FHOD3: variants seen among roughly 807,000 people sequenced by gnomAD.
FHOD3 encodes the protein FH1/FH2 domain-containing protein 3.
In FHOD3, 90 loss-of-function variants were observed where a neutral mutation model predicts 173.0. The observed-to-expected ratio is 0.52, with a 90% confidence interval of 0.44 to 0.62. The LOEUF is 0.62. Ranked by LOEUF, FHOD3 falls within the 20% of genes least tolerant of loss-of-function variation. FHOD3 has a pLI of 0.00. For missense variants in FHOD3, 1,945 were observed against 2,034.7 expected, an observed-to-expected ratio of 0.96 and a Z score of 0.85; for synonymous variants, 828 against 823.0, an observed-to-expected ratio of 1.01 and a Z score of -0.10.
chr18:36,700,168 G>A (rs505601), intron 17 of FHOD3, among the ~76,000 whole-genome samples: 29,461 of 151,798 alleles, frequency 0.19, 2,929 homozygotes, highest in East Asian at 0.31. Flanking sequence ...CTGGGCCCTC[G>A]CATTCCACCT....
At chr18:36,602,447 C>A (rs938336190) in intron 7 of FHOD3, among the ~76,000 whole-genome samples, 3 of 152,150 alleles carry the variant, frequency 2.0e-5, no homozygotes, top group African/African-American at 7.2e-5. Flanking sequence ...GTACACAATG[C>A]TCTTGCCAAA....
chr18:36,522,759 T>A (rs923408414), intron 5 of FHOD3, among the ~76,000 whole-genome samples: 3 of 152,184 alleles, frequency 2.0e-5, no homozygotes, highest in Non-Finnish European at 4.4e-5. Flanking sequence ...GCTGTGTTGA[T>A]CTTGTTGAGT....
Position 36,718,321 on chromosome 18 carries a change from T to C in FHOD3, c.3023T>C (p.Val1008Ala). Residue 1008 changes from valine (V) to alanine (A), a missense_variant, in exon 19 of 29, where the codon GTC becomes GCC. Physicochemically the swap from Val to Ala is moderately conservative, Grantham distance 64 (BLOSUM62 0). Around this residue, in one of 5 missense-constraint regions of FHOD3, gnomAD observed 1,099 missense variants for 1,051.2 expected, o/e 1.05. Transcript: ENST00000590592. ...TDLGEEDDID[V>A]LDVDLGHREA... is the part of the protein sequence containing the mutation. Reference sequence around the variant, plus strand: ...CTGGGGGAGGAGGATGACATTGATGTCCTAGATGTGGACCTGGGTCACAGG... The same window carrying C: ...CTGGGGGAGGAGGATGACATTGATGCCCTAGATGTGGACCTGGGTCACAGG... The C allele has an allele frequency of 1.9e-6, 3 of 1,614,062 alleles. No homozygotes were observed. In the South Asian group the frequency reaches 3.3e-5, roughly 18 times the overall value.
intron 27 of FHOD3, among the ~76,000 whole-genome samples, chr18:36,764,335 G>T (rs1399715222): frequency 6.6e-6 from 1 of 152,164 alleles, no homozygotes; most frequent in Non-Finnish European, 1.5e-5. Context: ...TGGGGGACAT[G>T]GCAAGGGGTA....
intron 13 of FHOD3, among the ~76,000 whole-genome samples, 167 bp downstream of exon 13, chr18:36,653,583 A>G (rs1216308553): frequency 2.0e-5 from 3 of 152,204 alleles, no homozygotes; most frequent in Non-Finnish European, 1.5e-5. Context: ...GAACACTTAA[A>G]TCTTATAAAA....
At chr18:36,689,664 A>G (rs1351745529) in intron 16 of FHOD3, among the ~76,000 whole-genome samples, 2 of 152,202 alleles carry the variant, frequency 1.3e-5, no homozygotes, top group South Asian at 4.1e-4. Context: ...TGTGTGTAGT[A>G]AGGAATGAGC....
chr18:36,779,658 C>T lies in FHOD3; in HGVS notation c.*128C>T. On this transcript the variant is annotated 3_prime_UTR_variant, in exon 29 of 29. Coordinates refer to ENST00000590592, the MANE Select transcript of FHOD3 (RefSeq NM_001281740.3). The stretch of plus-strand genomic sequence containing the variant: ...AGTTTGAAAAGGGAGAGCTCAATTC[C>T]CAGCGTCACCCCATGGCTTGTGTTG... 1.3e-6 allele frequency: 1 copy of T among 771,994 alleles called. No individual in the cohort carries two copies. The highest frequency in any genetic ancestry group is 2.2e-6 in the Non-Finnish European group (1 of 461,794). The allele number at this position is 771,994 out of a possible 1,614,324, so 47.8% of individuals were successfully genotyped here.
chr18:36,498,722 G>A (rs534777808), intron 3 of FHOD3, among the ~76,000 whole-genome samples: 1 of 152,198 alleles, frequency 6.6e-6, no homozygotes, highest in South Asian at 2.1e-4. Context: ...CACAAAATTC[G>A]CATTGTCTCA....
intron 3 of FHOD3, among the ~76,000 whole-genome samples, chr18:36,441,036 C>T (rs1363884805): frequency 1.3e-5 from 2 of 152,120 alleles, no homozygotes; most frequent in East Asian, 3.8e-4. Flanking sequence ...AATATTTTCC[C>T]CAATTGCATG....
intron 18 of FHOD3, among the ~76,000 whole-genome samples, chr18:36,713,521 G>A (rs1460917876): frequency 6.6e-6 from 1 of 152,088 alleles, no homozygotes; most frequent in Non-Finnish European, 1.5e-5. Flanking sequence ...AATCAAAGGG[G>A]ATGAAGAAAG....
At chr18:36,586,624 G>A (rs1041062634) in intron 6 of FHOD3, among the ~76,000 whole-genome samples, 2 of 152,144 alleles carry the variant, frequency 1.3e-5, no homozygotes, top group African/African-American at 4.8e-5. Flanking sequence ...GAGTAGCTGG[G>A]ATTACAGGCA....
At chr18:36,472,514 AT>A (rs2053339140) in intron 3 of FHOD3, among the ~76,000 whole-genome samples, 1 of 152,032 alleles carries the variant, frequency 6.6e-6, no homozygotes, top group Non-Finnish European at 1.5e-5. Flanking sequence ...ATTCCAGAAC[AT>A]TTTCATCACC....
intron 19 of FHOD3, among the ~76,000 whole-genome samples, chr18:36,730,223 C>T (rs146031707): frequency 1.3e-5 from 2 of 152,308 alleles, no homozygotes; most frequent in East Asian, 1.9e-4. Context: ...ATCCTCTCTT[C>T]TCAGCATGTA....
At chr18:36,675,248 T>G (rs757135963) in intron 14 of FHOD3, among the ~76,000 whole-genome samples, 14 of 152,164 alleles carry the variant, frequency 9.2e-5, no homozygotes, top group Non-Finnish European at 1.5e-4. Flanking sequence ...TGTCCTCTGA[T>G]GCTCTGCCAC....
At chr18:36,717,054 G>C (rs983351190) in intron 18 of FHOD3, among the ~76,000 whole-genome samples, 1 of 151,870 alleles carries the variant, frequency 6.6e-6, no homozygotes, top group Non-Finnish European at 1.5e-5. Flanking sequence ...GTGGGCAGTC[G>C]ACCCCTGCTA....
chr18:36,644,925 G>A (rs1419310585), intron 10 of FHOD3, among the ~76,000 whole-genome samples: 2 of 152,170 alleles, frequency 1.3e-5, no homozygotes, highest in African/African-American at 4.8e-5. Flanking sequence ...GAGGGGCTCA[G>A]TGTTTTGTTT....
At chr18:36,694,479 A>G (rs1336084817) in intron 17 of FHOD3, among the ~76,000 whole-genome samples, 2 of 152,220 alleles carry the variant, frequency 1.3e-5, no homozygotes, top group East Asian at 1.9e-4. Context: ...TCCCAGGCAG[A>G]TGGCTCAGTC....
chr18:36,743,201 C>T (rs752758738), intron 22 of FHOD3, among the ~76,000 whole-genome samples: 8 of 149,014 alleles, frequency 5.4e-5, no homozygotes, highest in South Asian at 4.3e-4. Flanking sequence ...TCCAGCTACT[C>T]GGAATGCTGA....
intron 15 of FHOD3, 127 bp downstream of exon 15, chr18:36,681,697 A>G (rs1408196550): frequency 8.4e-7 from 1 of 1,192,612 alleles, no homozygotes; most frequent in African/African-American, 1.5e-5. Context: ...ATTTTTAAGG[A>G]AGAGAAAGAC....
Sources: gnomAD v4.1 joint callset for allele counts (sites outside exome capture counted in the v4.1 genomes callset) on GRCh38, gnomAD v4.1.1 for gene constraint, gnomAD v4.1.1 regional missense constraint, MANE v1.5 for transcripts, NCBI Gene and HGNC (gene_info 2026-07-23, HGNC 2026-07-21) for gene names.